The following GRAMD2B variants were observed in gnomAD, a reference collection of about 807,000 sequenced individuals.
The protein encoded by GRAMD2B is GRAM domain-containing protein 2B.
Under a neutral mutation model 59.2 loss-of-function variants are expected in GRAMD2B, and 41 were observed. That is an observed-to-expected ratio of 0.69 (90% CI 0.54 to 0.90). GRAMD2B has a LOEUF of 0.90. Ranked by LOEUF, GRAMD2B falls within the 40% of genes least tolerant of loss-of-function variation. The pLI, the probability that GRAMD2B is intolerant of heterozygous loss-of-function variation, is 0.00. For synonymous variants in GRAMD2B, 161 were observed against 182.7 expected, an observed-to-expected ratio of 0.88 and a Z score of 0.96; for missense variants, 424 against 500.5, an observed-to-expected ratio of 0.85 and a Z score of 1.46.
chr5:126,452,061 C>G (rs766530995), intron 1 of GRAMD2B, among the ~76,000 whole-genome samples: 3 of 152,154 alleles, frequency 2.0e-5, no homozygotes, highest in Non-Finnish European at 4.4e-5. Flanking sequence ...ACCAATTAAA[C>G]CTCTTTTCTT....
At position 126,476,540 on chromosome 5, in the gene GRAMD2B, T is replaced by C. The variant is rs191807900; in HGVS notation, c.487-1152T>C. Among the ~76,000 whole-genome samples the C allele has an allele frequency of 6.6e-5, 10 of 152,358 alleles. No homozygotes were observed. The East Asian group carries it at 1.9e-3, about 29-fold the overall frequency. ...GAACTTCTCTGTTCTTTGTGCCATT[T>C]GATACATTCTTATAGCACATTGTAT... On this transcript the variant is annotated intron_variant, in intron 5 of 13. Transcript: ENST00000285689.
At chr5:126,476,122 A>G (rs967333645) in intron 5 of GRAMD2B, among the ~76,000 whole-genome samples, 5 of 152,076 alleles carry the variant, frequency 3.3e-5, no homozygotes, top group Middle Eastern at 3.2e-3. Flanking sequence ...AAAAGAAAAA[A>G]ATTAGCTGGG....
At chr5:126,441,065 T>C (rs185698099) in intron 1 of GRAMD2B, among the ~76,000 whole-genome samples, 212 of 152,320 alleles carry the variant, frequency 1.4e-3, no homozygotes, top group African/African-American at 4.9e-3. Context: ...TTTTCTTATT[T>C]TTTGTGTCTT....
intron 1 of GRAMD2B, among the ~76,000 whole-genome samples, chr5:126,385,307 A>G (rs1268773464): frequency 6.6e-6 from 1 of 152,238 alleles, no homozygotes; most frequent in Non-Finnish European, 1.5e-5. Flanking sequence ...GCAATCCCAA[A>G]TATTTTATTC....
intron 1 of GRAMD2B, among the ~76,000 whole-genome samples, chr5:126,373,407 G>A (rs1053170970): frequency 6.6e-6 from 1 of 152,158 alleles, no homozygotes; most frequent in Admixed American, 6.5e-5. Context: ...GTGAACTAGA[G>A]CTAATAAAAT....
intron 1 of GRAMD2B, among the ~76,000 whole-genome samples, chr5:126,375,649 C>T (rs867484195): frequency 6.6e-6 from 1 of 152,188 alleles, no homozygotes; most frequent in South Asian, 2.1e-4. Flanking sequence ...AGATTACAGG[C>T]ATGAGCCACC....
intron 1 of GRAMD2B, among the ~76,000 whole-genome samples, chr5:126,364,202 TA>T (rs1754342398): frequency 6.6e-6 from 1 of 152,180 alleles, no homozygotes; most frequent in South Asian, 2.1e-4. Context: ...ATTAGGAAAC[TA>T]AAATATAGAG....
At chr5:126,375,957 G>T (rs1031783457) in intron 1 of GRAMD2B, among the ~76,000 whole-genome samples, 1 of 152,142 alleles carries the variant, frequency 6.6e-6, no homozygotes, top group Non-Finnish European at 1.5e-5. Context: ...TTCAAAATTT[G>T]CAGAAATCAT....
intron 1 of GRAMD2B, among the ~76,000 whole-genome samples, chr5:126,382,303 C>A (rs1755724443): frequency 6.6e-6 from 1 of 152,162 alleles, no homozygotes; most frequent in African/African-American, 2.4e-5. Context: ...TTTTAAATTT[C>A]TCTTCTTCCT....
chr5:126,408,818 T>G (rs1450738139), intron 1 of GRAMD2B, among the ~76,000 whole-genome samples: 3 of 147,182 alleles, frequency 2.0e-5, no homozygotes, highest in East Asian at 4.1e-4. Context: ...TAGGTATATC[T>G]CCTAATGCTA....
chr5:126,371,524 G>A (rs1163185327), exon 1 of GRAMD2B: 1 of 1,289,216 alleles, frequency 7.8e-7, no homozygotes. Flanking sequence ...CAACGTGGAG[G>A]CCTCACGCAG....
intron 1 of GRAMD2B, among the ~76,000 whole-genome samples, chr5:126,396,473 C>A (rs567874597): frequency 6.6e-6 from 1 of 152,288 alleles, no homozygotes; most frequent in South Asian, 2.1e-4. Flanking sequence ...ATAATGGCCT[C>A]CAGCTCCATC....
intron 1 of GRAMD2B, among the ~76,000 whole-genome samples, chr5:126,414,020 C>G (rs1759054266): frequency 6.6e-6 from 1 of 152,090 alleles, no homozygotes; most frequent in Non-Finnish European, 1.5e-5. Context: ...ACTCTCTTAT[C>G]TCCAGGACAA....
At chr5:126,490,559 G>T (rs561181059) in intron 13 of GRAMD2B, among the ~76,000 whole-genome samples, 9 of 152,308 alleles carry the variant, frequency 5.9e-5, no homozygotes, top group Non-Finnish European at 1.2e-4. Context: ...CAAAATGCGC[G>T]TGTTGATGTT....
upstream of GRAMD2B, among the ~76,000 whole-genome samples, chr5:126,420,353 G>A (rs1759626394): frequency 6.6e-6 from 1 of 152,106 alleles, no homozygotes; most frequent in Admixed American, 6.6e-5. Flanking sequence ...ATAGCCCCAA[G>A]AATAAACAAA....
chr5:126,445,215 T>C (rs1374156995), intron 1 of GRAMD2B, among the ~76,000 whole-genome samples: 1 of 152,222 alleles, frequency 6.6e-6, no homozygotes, highest in African/African-American at 2.4e-5. Context: ...ACATACCCAG[T>C]AATGGGATTA....
intron 1 of GRAMD2B, among the ~76,000 whole-genome samples, chr5:126,377,255 C>CA (rs2149698995): frequency 6.6e-6 from 1 of 151,450 alleles, no homozygotes; most frequent in African/African-American, 2.4e-5. Context: ...CCCACACCCC[C>CA]ACTCTCATCC....
intron 1 of GRAMD2B, among the ~76,000 whole-genome samples, chr5:126,409,511 C>G (rs1187494279): frequency 2.0e-5 from 3 of 152,160 alleles, no homozygotes; most frequent in Non-Finnish European, 4.4e-5. Flanking sequence ...TGCTCATGTC[C>G]TTCGCCAACT....
At chr5:126,415,112 C>A (rs1354342624) in intron 1 of GRAMD2B, among the ~76,000 whole-genome samples, 2 of 152,170 alleles carry the variant, frequency 1.3e-5, no homozygotes, top group African/African-American at 2.4e-5. Flanking sequence ...GAGCCCAGTT[C>A]TCCTGACTTC....
Sources: allele counts gnomAD v4.1 joint callset (sites outside exome capture counted in the v4.1 genomes callset), GRCh38; gene constraint gnomAD v4.1.1; transcripts MANE v1.5; gene names NCBI Gene and HGNC (gene_info 2026-07-23, HGNC 2026-07-21).